Variants in PSMD1 observed in about 807,000 individuals in gnomAD.
The protein encoded by PSMD1 is 26S proteasome non-ATPase regulatory subunit 1.
Under a neutral mutation model 119.0 loss-of-function variants are expected in PSMD1, and 18 were observed. That is an observed-to-expected ratio of 0.15 (90% CI 0.10 to 0.22). The LOEUF (loss-of-function observed/expected upper bound fraction) is 0.22. PSMD1 is among the 10% of genes least tolerant of loss of function. The probability of loss-of-function intolerance (pLI) is 1.00; values close to 1 mark genes in which losing one functional copy is unlikely to be tolerated. For synonymous variants in PSMD1, 374 were observed against 396.6 expected, an observed-to-expected ratio of 0.94 and a Z score of 0.68; for missense variants, 702 against 1,158.5, an observed-to-expected ratio of 0.61 and a Z score of 5.72.
intron 16 of PSMD1, chr2:231,123,324 A>G: frequency 4.1e-6 from 4 of 979,806 alleles, no homozygotes; most frequent in Non-Finnish European, 6.5e-6. Flanking sequence ...CTTTTATTTC[A>G]AGAAAAGTAA....
intron 14 of PSMD1, among the ~76,000 whole-genome samples, chr2:231,084,479 T>C (rs912051849): frequency 2.0e-5 from 3 of 152,148 alleles, no homozygotes; most frequent in Non-Finnish European, 4.4e-5. Context: ...GTGAGGTTTT[T>C]TTTCCATTGC....
chr2:231,083,829 G>A (rs1448317696), intron 14 of PSMD1, 66 bp downstream of exon 14: 1 of 1,470,782 alleles, frequency 6.8e-7, no homozygotes, highest in Non-Finnish European at 9.4e-7. Context: ...TAACTTCACT[G>A]GAAATTAACT....
intron 23 of PSMD1, among the ~76,000 whole-genome samples, chr2:231,169,157 T>G (rs886613538): frequency 1.3e-5 from 2 of 152,334 alleles, no homozygotes; most frequent in Non-Finnish European, 2.9e-5. Flanking sequence ...TGGGATTTTT[T>G]TTTGTGTGTG....
chr2:231,156,662 C>A (rs1173446243), intron 19 of PSMD1, among the ~76,000 whole-genome samples: 1 of 151,754 alleles, frequency 6.6e-6, no homozygotes, highest in South Asian at 2.1e-4. Flanking sequence ...CTTTTTCATT[C>A]TTTTTCTTTT....
intron 16 of PSMD1, among the ~76,000 whole-genome samples, chr2:231,089,193 A>C (rs1336889094): frequency 1.3e-5 from 2 of 152,262 alleles, no homozygotes; most frequent in Admixed American, 1.3e-4. Flanking sequence ...TCTCCATAAC[A>C]TGGAGGTGCA....
In PSMD1 at chr2:231,117,249, A is replaced by G. The variant is rs569597504; in HGVS notation, c.1884-21487A>G. Among the ~76,000 whole-genome samples, 459 of 152,192 alleles carry G rather than the reference A, an allele frequency of 3.0e-3. 3 individuals are homozygous for G. The highest frequency in any genetic ancestry group is 0.011 in the African/African-American group (448 of 41,574). On this transcript the variant is annotated intron_variant, in intron 16 of 24. Coordinates refer to ENST00000308696, the MANE Select transcript of PSMD1 (RefSeq NM_002807.4). ...TTTGGTTTTAAGAATTTCTAATTAC[A>G]TTATTTGTTATAATGTATTCTGTCC... is the stretch of plus-strand genomic sequence containing the variant.
At chr2:231,161,084 C>T (rs1242284520) in intron 19 of PSMD1, among the ~76,000 whole-genome samples, 1 of 151,956 alleles carries the variant, frequency 6.6e-6, no homozygotes, top group Non-Finnish European at 1.5e-5. Flanking sequence ...TGGCGGCCCG[C>T]ACATGTAGTC....
intron 16 of PSMD1, among the ~76,000 whole-genome samples, chr2:231,132,232 A>G (rs145787390): frequency 2.8e-3 from 421 of 152,352 alleles, no homozygotes; most frequent in Non-Finnish European, 3.7e-3. Context: ...AGAATAGTAT[A>G]TATGTTATAT....
chr2:231,161,629 C>A, intron 20 of PSMD1, 120 bp downstream of exon 20: 1 of 1,116,830 alleles, frequency 9.0e-7, no homozygotes, highest in Non-Finnish European at 1.3e-6. Context: ...CTTATAATAA[C>A]ATTTTCCCTT....
intron 16 of PSMD1, chr2:231,108,914 C>A (rs762274085): frequency 7.4e-6 from 12 of 1,613,916 alleles, no homozygotes; most frequent in Non-Finnish European, 1.0e-5. Context: ...ACAGGAATCA[C>A]ATAAAACTAA....
At chr2:231,123,080 G>A (rs1695601440) in intron 16 of PSMD1, among the ~76,000 whole-genome samples, 1 of 152,074 alleles carries the variant, frequency 6.6e-6, no homozygotes, top group Non-Finnish European at 1.5e-5. Flanking sequence ...AAGTATCAGT[G>A]TAGAAAAGTT....
At chr2:231,113,628 C>G (rs1476412905) in intron 16 of PSMD1, 2 of 1,021,542 alleles carry the variant, frequency 2.0e-6, no homozygotes, top group Admixed American at 3.4e-5. Flanking sequence ...CTGGCTTGAC[C>G]TCTCATGCTG....
At chr2:231,157,593 G>GA (rs1696540924) in intron 19 of PSMD1, among the ~76,000 whole-genome samples, 1 of 149,716 alleles carries the variant, frequency 6.7e-6, no homozygotes, top group Non-Finnish European at 1.5e-5. Context: ...TTTTGGGGGG[G>GA]GCCAATTCTG....
At chr2:231,119,318 T>C (rs1021213425) in intron 16 of PSMD1, among the ~76,000 whole-genome samples, 5 of 152,216 alleles carry the variant, frequency 3.3e-5, no homozygotes, top group African/African-American at 9.6e-5. Context: ...AAATCATATT[T>C]AATTTGCATG....
At chr2:231,165,445 A>G (rs960656608) in intron 22 of PSMD1, among the ~76,000 whole-genome samples, 159 bp downstream of exon 22, 1 of 151,288 alleles carries the variant, frequency 6.6e-6, no homozygotes, top group Non-Finnish European at 1.5e-5. Context: ...CTTGAAAGAG[A>G]CTCGAAAATA....
intron 1 of PSMD1, among the ~76,000 whole-genome samples, chr2:231,058,490 GGTCGGACATC>G (rs1394370048): frequency 6.6e-6 from 1 of 151,430 alleles, no homozygotes; most frequent in African/African-American, 2.4e-5. Flanking sequence ...TTACTGTGGT[GGTCGGACATC>G]GTGAAAATTA....
At chr2:231,069,960 A>G (rs1052158409) in intron 5 of PSMD1, 65 bp from the exon 6 acceptor site, 8 of 1,227,090 alleles carry the variant, frequency 6.5e-6, no homozygotes, top group South Asian at 6.4e-5. Context: ...AAATAATTCA[A>G]TTTCTAAATA....
At chr2:231,068,478 C>A (rs1693960074) in intron 5 of PSMD1, among the ~76,000 whole-genome samples, 1 of 152,048 alleles carries the variant, frequency 6.6e-6, no homozygotes, top group Non-Finnish European at 1.5e-5. Flanking sequence ...TGCATTGTCC[C>A]CATTCATCCA....
intron 20 of PSMD1, among the ~76,000 whole-genome samples, chr2:231,162,582 G>A (rs113246229): frequency 0.022 from 3,377 of 152,198 alleles, 137 homozygotes; most frequent in African/African-American, 0.077. Context: ...TACTCTTTGT[G>A]ATGAAAATGG....
Sources: gnomAD v4.1 joint callset for allele counts (sites outside exome capture counted in the v4.1 genomes callset) on GRCh38, gnomAD v4.1.1 for gene constraint, MANE v1.5 for transcripts, NCBI Gene and HGNC (gene_info 2026-07-23, HGNC 2026-07-21) for gene names.